CLASP2: variants seen among roughly 807,000 people sequenced by gnomAD.
The protein encoded by CLASP2 is CLIP-associating protein 2.
In CLASP2, 47 loss-of-function variants were observed where a neutral mutation model predicts 194.4. The ratio of observed to expected loss-of-function variants is 0.24; its 90% CI spans 0.19 to 0.31. CLASP2 has a LOEUF of 0.31. Among genes scored for constraint, CLASP2 ranks in the 10% least tolerant of loss-of-function variants. CLASP2 has a pLI of 1.00. For missense variants in CLASP2, 1,445 were observed against 1,823.6 expected (o/e 0.79, Z 3.78); for synonymous variants, 619 against 633.5 (o/e 0.98, Z 0.34).
At position 33,607,402 on chromosome 3, in the gene CLASP2, G is replaced by C. The variant is rs1360404789; in HGVS notation, c.1508C>G (p.Ala503Gly). The C allele has an allele frequency of 6.2e-7, 1 of 1,609,706 alleles. No homozygotes were observed. ...GACTTACTTTCTTGCCTCCACTCTG[G>C]CCTCAGCGTCAGCATCATGAATTCC... is the stretch of plus-strand genomic sequence containing the variant. ...KKGIHDADAE[A>G]RVEARKTYMG... The change falls in exon 15 of 39, where the codon GCC (alanine) becomes GGC (glycine). Residue 503 changes from alanine to glycine, a missense_variant. By Grantham distance (60) the Ala-to-Gly change is moderately conservative. Transcript: ENST00000682230.
intron 36 of CLASP2, among the ~76,000 whole-genome samples, chr3:33,514,288 AT>A (rs199853085): frequency 2.7e-3 from 397 of 149,578 alleles, no homozygotes; most frequent in Middle Eastern, 0.014. Flanking sequence ...TGCCCAGCCA[AT>A]TTTTTTTTTT....
At chr3:33,637,238 A>G (rs1345824438) in intron 8 of CLASP2, among the ~76,000 whole-genome samples, 1 of 152,202 alleles carries the variant, frequency 6.6e-6, no homozygotes, top group Non-Finnish European at 1.5e-5. Flanking sequence ...TTTACAGATA[A>G]CATTATAGAA....
intron 3 of CLASP2, 154 bp downstream of exon 3, chr3:33,689,675 A>T (rs2091122795): frequency 2.1e-6 from 1 of 480,938 alleles, no homozygotes; most frequent in Non-Finnish European, 3.6e-6. Context: ...AAAAACCAGA[A>T]AGTCAAACAT....
intron 9 of CLASP2, among the ~76,000 whole-genome samples, chr3:33,630,618 G>A (rs2078922589): frequency 6.6e-6 from 1 of 152,166 alleles, no homozygotes; most frequent in African/African-American, 2.4e-5. Flanking sequence ...TAAAAATGGG[G>A]TTAAAGACTT....
Position 33,512,864 on chromosome 3 carries a change from C to T in CLASP2, c.4111-2100G>A, listed in dbSNP as rs910453129. Among the ~76,000 whole-genome samples the T allele has an allele frequency of 3.2e-4, 49 of 152,002 alleles. 1 individual carries two copies. The highest frequency in any genetic ancestry group is 2.7e-3 in the Admixed American group (41 of 15,258). On this transcript the variant is annotated intron_variant, in intron 36 of 38. Transcript: ENST00000682230. ...AATTAGCATGGTGTGGTGGCATGCACCTGTAGTCCCAGCTGTTAGGGAGGC... is the reference window on the plus strand; with the variant it reads ...AATTAGCATGGTGTGGTGGCATGCATCTGTAGTCCCAGCTGTTAGGGAGGC...
At chr3:33,542,750 A>G (rs2058578217) in intron 32 of CLASP2, among the ~76,000 whole-genome samples, 2 of 151,736 alleles carry the variant, frequency 1.3e-5, no homozygotes, top group African/African-American at 2.4e-5. Flanking sequence ...TGCAAGCTTA[A>G]TTTTTTAAAC....
rs1430420753 is a variant in CLASP2 at position 33,688,125 on chromosome 3, C to T, written c.470+152G>A. Among the ~76,000 whole-genome samples the T allele has an allele frequency of 2.6e-5, 4 of 152,050 alleles. No homozygotes were observed. In the East Asian group the frequency reaches 5.8e-4, roughly 22 times the overall value. On this transcript the variant is annotated intron_variant, in intron 4 of 38. Coordinates refer to ENST00000682230, the MANE Select transcript of CLASP2 (RefSeq NM_001365631.1). The stretch of plus-strand genomic sequence containing the variant: ...TTAAGAACATGAAAGATAACATACA[C>T]AAAAAATGAACAGTAAAGGTATCAA...
chr3:33,543,485 A>G lies in CLASP2; in HGVS notation c.3352T>C (p.Ser1118Pro), dbSNP rs758808715. The change falls in exon 32 of 39, where the codon TCC (serine) becomes CCC (proline). Residue 1118 changes from serine to proline, a missense_variant. Ser to Pro is a moderately conservative substitution (Grantham distance 74). Coordinates refer to ENST00000682230, the MANE Select transcript of CLASP2 (RefSeq NM_001365631.1). Reference sequence around the variant, plus strand: ...TTGGTAGGAGAAGTAAGAGGACTGGACCAGTTAGCTGGTGATCGTGGTGTT... The same window carrying G: ...TTGGTAGGAGAAGTAAGAGGACTGGGCCAGTTAGCTGGTGATCGTGGTGTT... ...RPTPRSPANW[S>P]SPLTSPTNTS... The G allele has an allele frequency of 6.2e-7, 1 of 1,613,546 alleles. No individual in the cohort carries two copies. Among genetic ancestry groups the G allele is most frequent in the Non-Finnish European group, 8.5e-7 (1 of 1,179,486 alleles).
At chr3:33,552,899 T>C (rs1256510302) in intron 29 of CLASP2, among the ~76,000 whole-genome samples, 1 of 152,186 alleles carries the variant, frequency 6.6e-6, no homozygotes, top group South Asian at 2.1e-4. Flanking sequence ...ATACAATACA[T>C]TGTTATTAAC....
At chr3:33,563,704 G>C (rs1001298780) in intron 27 of CLASP2, among the ~76,000 whole-genome samples, 12 of 152,138 alleles carry the variant, frequency 7.9e-5, no homozygotes, top group African/African-American at 2.9e-4. Flanking sequence ...GGGAAGATGT[G>C]GCCTGCAGGC....
intron 15 of CLASP2, among the ~76,000 whole-genome samples, chr3:33,607,066 G>A (rs1409610306): frequency 6.6e-6 from 1 of 152,154 alleles, no homozygotes; most frequent in African/African-American, 2.4e-5. Flanking sequence ...ATCATTCTAA[G>A]GATTAGAAAA....
At chr3:33,552,538 G>C (rs974857674) in intron 29 of CLASP2, among the ~76,000 whole-genome samples, 1 of 151,898 alleles carries the variant, frequency 6.6e-6, no homozygotes, top group Non-Finnish European at 1.5e-5. Context: ...TTTTTTTGTG[G>C]TGAGAACACT....
chr3:33,564,240 C>A (rs949936288), intron 27 of CLASP2, among the ~76,000 whole-genome samples: 3 of 152,190 alleles, frequency 2.0e-5, no homozygotes, highest in Non-Finnish European at 2.9e-5. Flanking sequence ...TCAATGAAAT[C>A]AAGTGAAATT....
At position 33,551,310 on chromosome 3, in the gene CLASP2, A is replaced by G; in HGVS notation, c.3095T>C (p.Leu1032Pro). 6.2e-7 allele frequency: 1 copy of G among 1,613,846 alleles called. No individual in the cohort carries two copies. The highest frequency in any genetic ancestry group is 8.5e-7 in the Non-Finnish European group (1 of 1,179,802). The change falls in exon 30 of 39, where the codon CTA becomes CCA. Residue 1032 changes from leucine (L) to proline (P), a missense_variant. Leu to Pro is a moderately conservative substitution (Grantham distance 98). Transcript: ENST00000682230. The part of the protein sequence containing the change: ...GDFINSSETR[L>P]AVSRVITWTT... ...CCAAGTGATGACCCGAGACACTGCT[A>G]GGCGAGTTTCACTGGAATTTATAAA...
At position 33,530,000 on chromosome 3, in the gene CLASP2, A is replaced by AT. The variant is rs1177224765; in HGVS notation, c.3787+5232_3787+5233insA. Among the ~76,000 whole-genome samples the AT allele has an allele frequency of 9.8e-4, 145 of 147,930 alleles. 1 individual carries two copies. Among genetic ancestry groups the AT allele is most frequent in the African/African-American group, 3.7e-3 (141 of 38,220 alleles). On this transcript the variant is annotated intron_variant, in intron 34 of 38. Coordinates refer to ENST00000682230, the MANE Select transcript of CLASP2 (RefSeq NM_001365631.1). ...ACTCCGTCTCAAAAAAAAAAAAAAA[A>AT]AAAAAAAAAAAGATCTTCAAGGGTA...
At chr3:33,587,489 A>G (rs1368041811) in intron 21 of CLASP2, among the ~76,000 whole-genome samples, 1 of 152,184 alleles carries the variant, frequency 6.6e-6, no homozygotes, top group African/African-American at 2.4e-5. Flanking sequence ...ATTAATGCTT[A>G]ATTCTTAAAC....
intron 7 of CLASP2, among the ~76,000 whole-genome samples, chr3:33,648,443 G>A (rs1169079875): frequency 6.6e-6 from 1 of 151,860 alleles, no homozygotes; most frequent in African/African-American, 2.4e-5. Context: ...AAAAAAATCA[G>A]AACCCTGAAT....
chr3:33,702,375 T>C (rs1392535438), intron 1 of CLASP2, among the ~76,000 whole-genome samples: 1 of 152,096 alleles, frequency 6.6e-6, no homozygotes, highest in African/African-American at 2.4e-5. Context: ...TCAAGACCAT[T>C]CAATGGGGGA....
intron 6 of CLASP2, among the ~76,000 whole-genome samples, chr3:33,680,639 T>A (rs1374048856): frequency 6.6e-6 from 1 of 151,860 alleles, no homozygotes; most frequent in African/African-American, 2.4e-5. Flanking sequence ...GGAGACCCTG[T>A]CTCTACAAAA....
Sources: allele counts gnomAD v4.1 joint callset (sites outside exome capture counted in the v4.1 genomes callset), GRCh38; gene constraint gnomAD v4.1.1; transcripts MANE v1.5; gene names NCBI Gene and HGNC (gene_info 2026-07-23, HGNC 2026-07-21).